ADAMTS16: variants seen among roughly 807,000 people sequenced by gnomAD.
The protein encoded by ADAMTS16 is A disintegrin and metalloproteinase with thrombospondin motifs 16.
ADAMTS16 carries 94 observed loss-of-function variants against 145.8 expected under a neutral mutation model. The observed-to-expected ratio is 0.64, with a 90% CI of 0.55 to 0.77. The LOEUF (loss-of-function observed/expected upper bound fraction) is 0.77, where lower values mean the gene tolerates loss of function less well. ADAMTS16 is among the 30% of genes least tolerant of loss of function. ADAMTS16 has a pLI of 0.00. For missense variants in ADAMTS16, 1,585 were observed against 1,591.5 expected, an observed-to-expected ratio of 1.00 and a Z score of 0.07; for synonymous variants, 659 against 604.3, an observed-to-expected ratio of 1.09 and a Z score of -1.33.
intron 3 of ADAMTS16, 65 bp from the exon 4 acceptor site, chr5:5,181,979 A>G: frequency 6.7e-7 from 1 of 1,503,390 alleles, no homozygotes; most frequent in Admixed American, 2.1e-5. Flanking sequence ...ATGCTTGGAG[A>G]ATCGGCCCTG....
chr5:5,148,545 A>T lies in ADAMTS16; in HGVS notation c.501+2090A>T, dbSNP rs186918050. On this transcript the variant is annotated intron_variant, in intron 3 of 22. Transcript: ENST00000274181. Reference sequence around the variant, plus strand: ...GAAACAATGCAATTTCCAAACTGGTACATAGTTTTTCACCCTGGTTCTGAG... The same window carrying T: ...GAAACAATGCAATTTCCAAACTGGTTCATAGTTTTTCACCCTGGTTCTGAG... 1.7e-3 allele frequency among the ~76,000 whole-genome samples: 255 copies of T among 152,322 alleles called. 1 individual carries two copies. Among genetic ancestry groups the T allele is most frequent in the African/African-American group, 5.9e-3 (246 of 41,566 alleles).
intron 16 of ADAMTS16, among the ~76,000 whole-genome samples, chr5:5,241,481 C>A (rs1737290101): frequency 1.3e-5 from 2 of 152,214 alleles, no homozygotes; most frequent in African/African-American, 4.8e-5. Context: ...AGAAAGTGCT[C>A]TAACTTAACT....
At chr5:5,276,334 C>A (rs1333617064) in intron 18 of ADAMTS16, among the ~76,000 whole-genome samples, 1 of 152,104 alleles carries the variant, frequency 6.6e-6, no homozygotes, top group African/African-American at 2.4e-5. Flanking sequence ...TCTTTATTCT[C>A]TTCTATTTCT....
intron 18 of ADAMTS16, among the ~76,000 whole-genome samples, chr5:5,267,416 T>C (rs1738281631): frequency 6.6e-6 from 1 of 152,152 alleles, no homozygotes; most frequent in Non-Finnish European, 1.5e-5. Flanking sequence ...AAGGTTTTAT[T>C]GAGTGGCGGT....
At chr5:5,267,864 C>T (rs568016879) in intron 18 of ADAMTS16, among the ~76,000 whole-genome samples, 22 of 152,320 alleles carry the variant, frequency 1.4e-4, no homozygotes, top group African/African-American at 3.4e-4. Flanking sequence ...TTCCCTGCCC[C>T]GCTCCCATAT....
chr5:5,202,993 A>G (rs988244039), intron 9 of ADAMTS16, among the ~76,000 whole-genome samples: 18 of 152,162 alleles, frequency 1.2e-4, no homozygotes, highest in African/African-American at 4.3e-4. Context: ...ATTAAAAGCC[A>G]TTTTCTTTCT....
intron 10 of ADAMTS16, among the ~76,000 whole-genome samples, chr5:5,219,966 T>C (rs1305886516): frequency 6.6e-6 from 1 of 152,162 alleles, no homozygotes; most frequent in Non-Finnish European, 1.5e-5. Flanking sequence ...TAAGTCATCT[T>C]TGGCTTTTTA....
At chr5:5,145,430 A>G (rs1734267939) in intron 2 of ADAMTS16, among the ~76,000 whole-genome samples, 1 of 152,196 alleles carries the variant, frequency 6.6e-6, no homozygotes, top group Admixed American at 6.5e-5. Context: ...CTGAATATTC[A>G]GTGATGGCAC....
At position 5,181,799 on chromosome 5, in the gene ADAMTS16, C is replaced by T. The variant is rs151286024; in HGVS notation, c.502-245C>T. Among the ~76,000 whole-genome samples the T allele has an allele frequency of 6.1e-4, 93 of 152,278 alleles. 1 individual carries two copies. Among genetic ancestry groups the T allele is most frequent in the African/African-American group, 2.2e-3 (90 of 41,564 alleles). Reference sequence around the variant, plus strand: ...CCCTTTCTCATTCCTGGAGTCCAGTCCTGGAGCAGCTCCACGCCAGCCTTT... The same window carrying T: ...CCCTTTCTCATTCCTGGAGTCCAGTTCTGGAGCAGCTCCACGCCAGCCTTT... On this transcript the variant is annotated intron_variant, in intron 3 of 22. Coordinates refer to ENST00000274181, the MANE Select transcript of ADAMTS16 (RefSeq NM_139056.4).
chr5:5,149,288 A>C (rs1734388266), intron 3 of ADAMTS16, among the ~76,000 whole-genome samples: 1 of 152,168 alleles, frequency 6.6e-6, no homozygotes, highest in South Asian at 2.1e-4. Context: ...CCAAATTGTC[A>C]TTAGAGATCT....
intron 21 of ADAMTS16, among the ~76,000 whole-genome samples, chr5:5,313,606 C>T (rs1363617511): frequency 6.6e-6 from 1 of 152,166 alleles, no homozygotes; most frequent in East Asian, 1.9e-4. Flanking sequence ...CTGGGAGCTC[C>T]CCACAATTTG....
At chr5:5,244,403 T>C (rs1737379726) in intron 17 of ADAMTS16, among the ~76,000 whole-genome samples, 1 of 152,214 alleles carries the variant, frequency 6.6e-6, no homozygotes, top group South Asian at 2.1e-4. Context: ...ACATATATTA[T>C]CTTGTCAAAA....
intron 4 of ADAMTS16, among the ~76,000 whole-genome samples, chr5:5,184,997 C>T (rs112990123): frequency 1.3e-5 from 2 of 152,290 alleles, no homozygotes; most frequent in African/African-American, 4.8e-5. Flanking sequence ...CTCTCCTCTG[C>T]CTTCATGACC....
At chr5:5,268,550 G>A (rs574239671) in intron 18 of ADAMTS16, among the ~76,000 whole-genome samples, 22 of 152,190 alleles carry the variant, frequency 1.4e-4, no homozygotes, top group African/African-American at 4.6e-4. Flanking sequence ...CCCCTGATTC[G>A]GTCTCTCACG....
At chr5:5,170,098 A>G (rs1735005582) in intron 3 of ADAMTS16, among the ~76,000 whole-genome samples, 1 of 152,050 alleles carries the variant, frequency 6.6e-6, no homozygotes, top group Non-Finnish European at 1.5e-5. Context: ...TGGTAGCTCT[A>G]TTTTTAGTTT....
intron 17 of ADAMTS16, among the ~76,000 whole-genome samples, chr5:5,257,523 CGTAATGCAAACGGCAAT>C (rs1371095381): frequency 6.6e-6 from 1 of 152,244 alleles, no homozygotes; most frequent in Admixed American, 6.5e-5. Flanking sequence ...CAAACTGCAA[CGTAATGCAAACGGCAAT>C]GTAATGCAAA....
chr5:5,248,702 C>G (rs1737533150), intron 17 of ADAMTS16, among the ~76,000 whole-genome samples: 1 of 152,168 alleles, frequency 6.6e-6, no homozygotes, highest in African/African-American at 2.4e-5. Flanking sequence ...AGGAGGCTCT[C>G]CATTCCATCA....
intron 18 of ADAMTS16, among the ~76,000 whole-genome samples, chr5:5,275,957 C>T (rs898452634): frequency 2.0e-5 from 3 of 151,956 alleles, no homozygotes; most frequent in Non-Finnish European, 2.9e-5. Flanking sequence ...CACCCAGGTT[C>T]AAGCAATTCT....
rs1734100898 is a variant in ADAMTS16 at position 5,317,398 on chromosome 5, A to AC, written c.3412-736_3412-735insC. Among the ~76,000 whole-genome samples the AC allele has an allele frequency of 5.3e-5, 8 of 151,792 alleles. No individual in the cohort carries two copies. The South Asian group carries it at 1.5e-3, about 28-fold the overall frequency. ...AGTATACTTACTTACTTACTTACTT[A>AC]TTTATTTATTTTTGAGATGGAGTTT... is the stretch of plus-strand genomic sequence containing the variant. On this transcript the variant is annotated intron_variant, in intron 21 of 22. Coordinates refer to ENST00000274181, the MANE Select transcript of ADAMTS16 (RefSeq NM_139056.4). This position sits in a 1 kb window ranked among gnomAD's most constrained non-coding sequence, Gnocchi z 4.5.
Sources: allele counts gnomAD v4.1 joint callset (sites outside exome capture counted in the v4.1 genomes callset), GRCh38; gene constraint gnomAD v4.1.1; non-coding constraint Gnocchi (gnomAD v3.1); transcripts MANE v1.5; gene names NCBI Gene and HGNC (gene_info 2026-07-23, HGNC 2026-07-21).